Variants in ZNF37A observed in about 807,000 individuals in gnomAD.
ZNF37A encodes zinc finger protein 37A.
In ZNF37A, 10 loss-of-function variants were observed where a neutral mutation model predicts 12.3. That is an observed-to-expected ratio of 0.82 (90% CI 0.50 to 1.38). The LOEUF is 1.38. Ranked by LOEUF, ZNF37A falls within the 40% of genes most tolerant of loss-of-function variation. The pLI is 0.00. For missense variants in ZNF37A, 580 were observed against 651.2 expected (o/e 0.89, Z 1.19); for synonymous variants, 207 against 223.0 (o/e 0.93, Z 0.64).
rs573853049 is a variant in ZNF37A at position 38,099,838 on chromosome 10, C to T, written c.15+3206C>T. ...TTGTAATGGGTGTATGGTAATTTTT[C>T]ATCGTGGTTTTGATTTGTATTTCCC... On this transcript the variant is annotated intron_variant, in intron 5 of 7. Coordinates refer to ENST00000685332, the MANE Select transcript of ZNF37A (RefSeq NM_001324250.3). Among the ~76,000 whole-genome samples the T allele has an allele frequency of 2.0e-4, 31 of 152,238 alleles. No individual in the cohort carries two copies. The South Asian group carries it at 6.4e-3, about 32-fold the overall frequency.
intron 5 of ZNF37A, among the ~76,000 whole-genome samples, chr10:38,104,458 G>T (rs2983344): frequency 0.17 from 20,388 of 123,172 alleles, 1,577 homozygotes; most frequent in Admixed American, 0.23. Context: ...GCTGAGAGGT[G>T]TTTTTTGTTT....
At chr10:38,142,038 A>T (rs1390050370) in intron 7 of ZNF37A, 1 of 152,286 alleles carries the variant, frequency 6.6e-6, no homozygotes, top group East Asian at 1.9e-4. Flanking sequence ...TGAACCCAGG[A>T]GGTGGAGGTT....
At chr10:38,113,885 C>A (rs1235780898) in intron 5 of ZNF37A, among the ~76,000 whole-genome samples, 1 of 152,130 alleles carries the variant, frequency 6.6e-6, no homozygotes, top group African/African-American at 2.4e-5. Context: ...GAGCCTATGG[C>A]CTAAAGGAAG....
intron 7 of ZNF37A, among the ~76,000 whole-genome samples, chr10:38,133,809 T>G (rs188189786): frequency 9.2e-5 from 14 of 152,330 alleles, no homozygotes; most frequent in African/African-American, 3.1e-4. Context: ...GCATGATTTA[T>G]AGTCCTTTGG....
Position 38,118,075 on chromosome 10 carries a change from C to T in ZNF37A, c.924C>T (p.Phe308=), listed in dbSNP as rs1263667459. Residue 308 remains phenylalanine, a synonymous_variant, in exon 8 of 8, where the codon TTC becomes TTT. Transcript: ENST00000685332. ...AATGTCATGAATGTGGGAAGACCTT[C>T]TATAAGAATTCAGACCTCATTAAAC... ...PYECHECGKT[F]YKNSDLIKHQ... 1 of 1,613,854 alleles carries T rather than the reference C, an allele frequency of 6.2e-7. No individual in the cohort carries two copies.
intron 5 of ZNF37A, among the ~76,000 whole-genome samples, chr10:38,107,840 C>T (rs755483359): frequency 2.6e-5 from 4 of 152,136 alleles, no homozygotes; most frequent in Non-Finnish European, 5.9e-5. Flanking sequence ...CAGGAGCACC[C>T]AGATTCATAA....
At position 38,124,613 on chromosome 10, in the gene ZNF37A, C is replaced by G. The variant is rs2069892227; in HGVS notation, c.*5776C>G. The G allele has an allele frequency of 6.6e-6, 1 of 152,092 alleles. No individual in the cohort carries two copies. Among genetic ancestry groups the G allele is most frequent in the African/African-American group, 2.4e-5 (1 of 41,404 alleles). 9.4% of individuals were successfully genotyped at this position (152,092 alleles called of 1,614,324 possible). On this transcript the variant is annotated 3_prime_UTR_variant, in exon 8 of 8. Transcript: ENST00000685332. ...AAAAATTAAAAATAAAGTAAAATTT[C>G]AATGATTAGGAAGACCATTGTTAAT...
chr10:38,129,054 T>C (rs1229033180), downstream of ZNF37A, among the ~76,000 whole-genome samples: 1 of 152,006 alleles, frequency 6.6e-6, no homozygotes, highest in Non-Finnish European at 1.5e-5. Context: ...ATCTGGCCAA[T>C]GAAATTCTTT....
At chr10:38,136,226 C>T (rs78700310) in intron 7 of ZNF37A, among the ~76,000 whole-genome samples, 106 of 152,232 alleles carry the variant, frequency 7.0e-4, no homozygotes, top group African/African-American at 2.4e-3. Flanking sequence ...TCACTGCAAC[C>T]TCTGCCTCCT....
intron 7 of ZNF37A, chr10:38,143,801 AG>A (rs2070218563): frequency 6.6e-6 from 1 of 151,932 alleles, no homozygotes; most frequent in Non-Finnish European, 1.5e-5. Flanking sequence ...GTCTGATGGG[AG>A]GAATCACATG....
At chr10:38,107,193 C>T (rs1590840177) in intron 5 of ZNF37A, among the ~76,000 whole-genome samples, 2 of 152,222 alleles carry the variant, frequency 1.3e-5, no homozygotes, top group African/African-American at 4.8e-5. Context: ...GAGTGGGGGC[C>T]AATATTCAGC....
chr10:38,097,646 G>A (rs1433601716), intron 5 of ZNF37A, among the ~76,000 whole-genome samples: 1 of 124,146 alleles, frequency 8.1e-6, no homozygotes, highest in African/African-American at 3.0e-5. Context: ...AGGACTTATG[G>A]TTGTTTAAAG....
rs193123698 is a variant in ZNF37A at position 38,118,266 on chromosome 10, T to G, written c.1115T>G (p.Val372Gly). The change falls in exon 8 of 8, where the codon GTG becomes GGG. Residue 372 changes from valine (V) to glycine (G), a missense_variant. Coordinates refer to ENST00000685332, the MANE Select transcript of ZNF37A (RefSeq NM_001324250.3). ...KTFSFKSVLTVHQKTHTGEKP... is the reference protein window; with the variant it reads ...KTFSFKSVLTGHQKTHTGEKP... ...TTCTCATTTAAGTCAGTCCTTACTG[T>G]GCATCAGAAAACACACACAGGGGAG... 2.5e-6 allele frequency: 4 copies of G among 1,613,366 alleles called. No homozygotes were observed. The East Asian group carries it at 8.9e-5, about 36-fold the overall frequency.
At chr10:38,139,156 A>G (rs1159155776) in intron 7 of ZNF37A, 2 of 152,134 alleles carry the variant, frequency 1.3e-5, no homozygotes, top group Non-Finnish European at 2.9e-5. Flanking sequence ...TCCCCTTTGC[A>G]TCTTAACACT....
intron 7 of ZNF37A, among the ~76,000 whole-genome samples, chr10:38,130,977 CTTGT>C (rs1461686416): frequency 9.9e-5 from 15 of 152,154 alleles, no homozygotes; most frequent in East Asian, 9.6e-4. Flanking sequence ...TTTTCAAGTG[CTTGT>C]TTGTCATTTG....
chr10:38,107,694 G>A (rs1490908987), intron 5 of ZNF37A, among the ~76,000 whole-genome samples: 1 of 152,090 alleles, frequency 6.6e-6, no homozygotes, highest in Admixed American at 6.6e-5. Context: ...AAAGAAGCAG[G>A]TGTTACAATC....
In ZNF37A at chr10:38,118,801, T is replaced by TA. The variant is rs760371853; in HGVS notation, c.1651dup (p.Ile551AsnfsTer31). 21 of 1,594,232 alleles carry TA rather than the reference T, an allele frequency of 1.3e-5. No individual in the cohort carries two copies. The highest frequency in any genetic ancestry group is 5.3e-5 in the Admixed American group (3 of 56,492). Reference sequence around the variant, plus strand: ...AGAGAATACACTTGGGGAGAAACCCTATAAATGTAGTAAACGAGGGAAATT... The same window carrying TA: ...AGAGAATACACTTGGGGAGAAACCCTAATAAATGTAGTAAACGAGGGAAATT... On this transcript the variant is annotated frameshift_variant, in exon 8 of 8. Coordinates refer to ENST00000685332, the MANE Select transcript of ZNF37A (RefSeq NM_001324250.3). LOFTEE classifies it low-confidence loss of function (END_TRUNC).
chr10:38,096,835 T>C (rs891500736), intron 5 of ZNF37A, among the ~76,000 whole-genome samples: 5 of 151,496 alleles, frequency 3.3e-5, no homozygotes, highest in Non-Finnish European at 7.4e-5. Context: ...TTTAGGTGGC[T>C]GAGGGAAAAA....
chr10:38,121,261 A>C lies in ZNF37A; in HGVS notation c.*2424A>C, dbSNP rs989571706. The stretch of plus-strand genomic sequence containing the variant: ...CTATAGACCAAAGTCTCATAGATTT[A>C]GATGCAAAATCCTAAAATTGAAAAA... On this transcript the variant is annotated 3_prime_UTR_variant, in exon 8 of 8. Coordinates refer to ENST00000685332, the MANE Select transcript of ZNF37A (RefSeq NM_001324250.3). The C allele has an allele frequency of 1.3e-5, 2 of 152,206 alleles. No homozygotes were observed. The highest frequency in any genetic ancestry group is 2.9e-5 in the Non-Finnish European group (2 of 68,046). 9.4% of individuals were successfully genotyped at this position (152,206 alleles called of 1,614,324 possible). A position where few individuals can be genotyped will look rare whatever the true frequency, so the allele number is the denominator to read the frequency against.
Sources: allele counts gnomAD v4.1 joint callset (sites outside exome capture counted in the v4.1 genomes callset), GRCh38; gene constraint gnomAD v4.1.1; transcripts MANE v1.5; gene names NCBI Gene and HGNC (gene_info 2026-07-23, HGNC 2026-07-21).